The following ARMH3 variants were observed in gnomAD, a reference collection of about 807,000 sequenced individuals.
ARMH3 encodes the protein armadillo like helical domain containing 3.
In ARMH3, 60 loss-of-function variants were observed where a neutral mutation model predicts 99.1. The ratio of observed to expected loss-of-function variants is 0.61; its 90% CI spans 0.49 to 0.75. The LOEUF (loss-of-function observed/expected upper bound fraction) is 0.75. Among genes scored for constraint, ARMH3 ranks in the 30% least tolerant of loss-of-function variants. ARMH3 has a pLI of 0.00. For missense variants in ARMH3, 679 were observed against 843.1 expected (o/e 0.81, Z 2.41); for synonymous variants, 285 against 292.8 (o/e 0.97, Z 0.27).
intron 5 of ARMH3, among the ~76,000 whole-genome samples, chr10:102,029,128 G>T (rs1466800976): frequency 1.3e-5 from 2 of 152,176 alleles, no homozygotes; most frequent in Non-Finnish European, 2.9e-5. Context: ...GCCTGCCTTG[G>T]CCTCCCAAAG....
chr10:101,849,938 C>T (rs745819760), intron 24 of ARMH3, 46 bp from the exon 25 acceptor site: 1 of 1,558,014 alleles, frequency 6.4e-7, no homozygotes. Flanking sequence ...ATGCAAATCC[C>T]ACAACCCTGA....
chr10:101,868,355 A>G (rs1052630945), intron 24 of ARMH3, among the ~76,000 whole-genome samples: 1 of 152,268 alleles, frequency 6.6e-6, no homozygotes, highest in Non-Finnish European at 1.5e-5. Context: ...ATTCTATGAT[A>G]CAGGCAATAG....
chr10:102,045,148 AAG>A (rs1052997372), intron 1 of ARMH3, among the ~76,000 whole-genome samples: 3 of 151,878 alleles, frequency 2.0e-5, no homozygotes, highest in African/African-American at 4.8e-5. Context: ...AAAAAAAAAA[AAG>A]AGCGAAACAA....
At chr10:101,957,064 A>G (rs985953343) in intron 21 of ARMH3, among the ~76,000 whole-genome samples, 1 of 152,174 alleles carries the variant, frequency 6.6e-6, no homozygotes, top group Non-Finnish European at 1.5e-5. Context: ...TTGCTTCCCA[A>G]CTCTGCATGA....
At chr10:101,943,580 A>G (rs970389898) in intron 22 of ARMH3, among the ~76,000 whole-genome samples, 2 of 152,210 alleles carry the variant, frequency 1.3e-5, no homozygotes, top group African/African-American at 4.8e-5. Flanking sequence ...AACAAAATCC[A>G]GCATCCACAT....
chr10:102,009,485 T>C (rs760961387), intron 12 of ARMH3, 36 bp from the exon 13 acceptor site: 20 of 1,534,484 alleles, frequency 1.3e-5, no homozygotes, highest in South Asian at 2.2e-5. Context: ...GCAGTTTTTA[T>C]AGTGGGGGGA....
chr10:101,956,750 T>C (rs1564792166), intron 21 of ARMH3, 27 bp from the exon 22 acceptor site: 9 of 1,609,078 alleles, frequency 5.6e-6, no homozygotes, highest in South Asian at 1.1e-5. Flanking sequence ...GGCCCATATA[T>C]AGGCATCAGG....
chr10:101,993,836 T>C (rs1268783892), intron 16 of ARMH3, among the ~76,000 whole-genome samples: 1 of 152,074 alleles, frequency 6.6e-6, no homozygotes, highest in Non-Finnish European at 1.5e-5. Flanking sequence ...GCAAAAACAA[T>C]AAAAATTAAG....
intron 24 of ARMH3, among the ~76,000 whole-genome samples, chr10:101,877,130 T>C (rs7098682): frequency 0.32 from 49,089 of 151,918 alleles, 8,111 homozygotes; most frequent in East Asian, 0.53. Context: ...AGTGAGACCC[T>C]ATCTCTACCA....
chr10:101,855,359 G>A (rs558981373), intron 24 of ARMH3, among the ~76,000 whole-genome samples: 40 of 146,378 alleles, frequency 2.7e-4, no homozygotes, highest in African/African-American at 9.3e-4. Flanking sequence ...GAGCCACCAC[G>A]CCCAGCTATC....
At chr10:101,880,993 A>G (rs1238875933) in intron 24 of ARMH3, among the ~76,000 whole-genome samples, 1 of 152,256 alleles carries the variant, frequency 6.6e-6, no homozygotes, top group South Asian at 2.1e-4. Flanking sequence ...AAGATTACCA[A>G]TAGATGGAAA....
intron 24 of ARMH3, among the ~76,000 whole-genome samples, chr10:101,865,741 G>A (rs1473975046): frequency 3.3e-5 from 5 of 150,790 alleles, no homozygotes; most frequent in Non-Finnish European, 7.4e-5. Context: ...CGCCCACCTC[G>A]GCCTTCCAAA....
intron 6 of ARMH3, 125 bp from the exon 7 acceptor site, chr10:102,023,874 C>T (rs2066942555): frequency 1.1e-6 from 1 of 901,680 alleles, no homozygotes; most frequent in Non-Finnish European, 1.7e-6. Flanking sequence ...ACTTAGCTGA[C>T]CTTTCACAAG....
At chr10:101,898,730 G>A (rs1216422179) in intron 23 of ARMH3, among the ~76,000 whole-genome samples, 1 of 152,210 alleles carries the variant, frequency 6.6e-6, no homozygotes, top group Non-Finnish European at 1.5e-5. Flanking sequence ...GAAGATTCTT[G>A]AAGGTTTCAC....
Position 102,041,089 on chromosome 10 carries a change from TA to T in ARMH3, c.-11-965del, listed in dbSNP as rs1283946992. 2.3e-4 allele frequency among the ~76,000 whole-genome samples: 26 copies of T among 114,972 alleles called. 1 individual carries two copies. Among genetic ancestry groups the T allele is most frequent in the African/African-American group, 4.7e-4 (16 of 34,158 alleles). 75.4% of individuals were successfully genotyped at this position (114,972 alleles called of 152,430 possible). A position where few individuals can be genotyped will look rare whatever the true frequency, so the allele number is the denominator to read the frequency against. On this transcript the variant is annotated intron_variant, in intron 1 of 25. Transcript: ENST00000370033. ...AATTGTGTGTACATATATATATATA[TA>T]ATATATATATATATATATATATGTA...
chr10:101,911,060 A>G (rs1433087718), intron 23 of ARMH3, among the ~76,000 whole-genome samples: 1 of 150,134 alleles, frequency 6.7e-6, no homozygotes, highest in African/African-American at 2.5e-5. Flanking sequence ...GAATCGCTTG[A>G]CCCAGAGGAG....
At chr10:101,911,846 G>T (rs1051571676) in intron 23 of ARMH3, among the ~76,000 whole-genome samples, 2 of 152,126 alleles carry the variant, frequency 1.3e-5, no homozygotes, top group African/African-American at 4.8e-5. Flanking sequence ...GACCAGCCTG[G>T]CCAACATGGT....
At chr10:101,898,322 C>T (rs757836471) in intron 23 of ARMH3, among the ~76,000 whole-genome samples, 6 of 151,418 alleles carry the variant, frequency 4.0e-5, no homozygotes, top group Non-Finnish European at 8.8e-5. Flanking sequence ...CACCACTGCG[C>T]TCCCTAGCCT....
At chr10:102,032,432 G>A (rs752090684) in intron 4 of ARMH3, among the ~76,000 whole-genome samples, 1 of 152,080 alleles carries the variant, frequency 6.6e-6, no homozygotes, top group Non-Finnish European at 1.5e-5. Context: ...ATGGAGTCTC[G>A]CTCTGTTGCC....
Sources: allele counts gnomAD v4.1 joint callset (sites outside exome capture counted in the v4.1 genomes callset), GRCh38; gene constraint gnomAD v4.1.1; transcripts MANE v1.5; gene names NCBI Gene and HGNC (gene_info 2026-07-23, HGNC 2026-07-21).